The following PXDN variants were observed in gnomAD, a reference collection of about 807,000 sequenced individuals.
PXDN encodes peroxidasin homolog.
A neutral mutation model predicts 140.3 loss-of-function variants in PXDN; 77 were observed. The ratio of observed to expected loss-of-function variants is 0.55; its 90% confidence interval spans 0.46 to 0.66. The LOEUF (loss-of-function observed/expected upper bound fraction) is 0.66. PXDN is among the 30% of genes least tolerant of loss of function. PXDN has a pLI of 0.00. For synonymous variants in PXDN, 911 were observed against 857.4 expected, an observed-to-expected ratio of 1.06 and a Z score of -1.09; for missense variants, 1,838 against 2,039.5, an observed-to-expected ratio of 0.90 and a Z score of 1.90.
At chr2:1,716,440 GAAAAAAAAAAAA>G (rs550784477) in intron 1 of PXDN, among the ~76,000 whole-genome samples, 1,287 of 58,214 alleles carry the variant, frequency 0.022, 15 homozygotes, top group Non-Finnish European at 0.033. Context: ...TCCATCTCAG[GAAAAAAAAAAAA>G]AAAAAAAAAA....
intron 1 of PXDN, among the ~76,000 whole-genome samples, chr2:1,721,691 G>C (rs376019857): frequency 6.6e-6 from 1 of 152,174 alleles, no homozygotes; most frequent in South Asian, 2.1e-4. Flanking sequence ...GCCGGGCTTG[G>C]TGGCGAGCGC....
intron 1 of PXDN, among the ~76,000 whole-genome samples, chr2:1,699,487 T>C (rs896739220): frequency 1.3e-5 from 2 of 152,212 alleles, no homozygotes; most frequent in African/African-American, 4.8e-5. Context: ...GGCCGGCGGA[T>C]CACCTGAGGT....
rs184143805 is a variant in PXDN at position 1,684,415 on chromosome 2, C to T, written c.417-264G>A. Among the ~76,000 whole-genome samples, 8 of 152,282 alleles carry T rather than the reference C, an allele frequency of 5.3e-5. No individual in the cohort carries two copies. In the East Asian group the frequency reaches 1.2e-3, roughly 22 times the overall value. ...GTGCTCACTGAGGTCCTTGACACCGCGTGAGAAGGGCAGTGCTGGCCTGGC... is the reference window on the plus strand; with the variant it reads ...GTGCTCACTGAGGTCCTTGACACCGTGTGAGAAGGGCAGTGCTGGCCTGGC... On this transcript the variant is annotated intron_variant, in intron 4 of 22. Transcript: ENST00000252804.
intron 1 of PXDN, among the ~76,000 whole-genome samples, chr2:1,715,910 C>G (rs1013131400): frequency 9.2e-5 from 14 of 152,064 alleles, no homozygotes; most frequent in Admixed American, 1.3e-4. Context: ...ACCCAGCTGC[C>G]CAATGTGTGC....
At chr2:1,642,081 T>C (rs867679047) in intron 19 of PXDN, among the ~76,000 whole-genome samples, 3 of 152,078 alleles carry the variant, frequency 2.0e-5, no homozygotes, top group South Asian at 2.1e-4. Context: ...ATTTGGAAAA[T>C]TGGGTACCTA....
In PXDN at chr2:1,649,763, T is replaced by C. The variant is rs1682971662; in HGVS notation, c.2105-88A>G. 4.9e-6 allele frequency: 7 copies of C among 1,423,096 alleles called. No individual in the cohort carries two copies. In the South Asian group the frequency reaches 8.3e-5, roughly 17 times the overall value. 88.2% of individuals were successfully genotyped at this position (1,423,096 alleles called of 1,614,324 possible). A position where few individuals can be genotyped will look rare whatever the true frequency, so the allele number is the denominator to read the frequency against. ...CCCCTTGGCACCTCTGCCGCTGACA[T>C]GGGGCTATCTACCCCCAGCTCATGA... On this transcript the variant is annotated intron_variant, in intron 16 of 22. Transcript: ENST00000252804. This position sits in a 1 kb window ranked among gnomAD's most constrained non-coding sequence, Gnocchi z 7.1.
chr2:1,684,850 G>T (rs1684011859), intron 4 of PXDN, among the ~76,000 whole-genome samples: 1 of 152,118 alleles, frequency 6.6e-6, no homozygotes, highest in African/African-American at 2.4e-5. Context: ...TGAAAAGTGG[G>T]TTTTTTCCTC....
intron 18 of PXDN, among the ~76,000 whole-genome samples, chr2:1,643,902 C>T (rs1263706152): frequency 6.6e-6 from 1 of 151,810 alleles, no homozygotes; most frequent in Non-Finnish European, 1.5e-5. Flanking sequence ...GAAACCCCAT[C>T]TCTACTAAAA....
chr2:1,720,691 C>CTGCATCTCTT (rs1558526193), intron 1 of PXDN, among the ~76,000 whole-genome samples: 9 of 49,242 alleles, frequency 1.8e-4, no homozygotes, highest in Non-Finnish European at 2.7e-4. Context: ...CTCTTTCTCT[C>CTGCATCTCTT]TCTCTCTGCA....
At chr2:1,681,607 A>C (rs1683908747) in intron 6 of PXDN, among the ~76,000 whole-genome samples, 2 of 152,170 alleles carry the variant, frequency 1.3e-5, no homozygotes, top group East Asian at 3.9e-4. Flanking sequence ...GTTCTCCCAG[A>C]CATGAGCCCA....
chr2:1,648,830 G>T lies in PXDN; in HGVS notation c.2950C>A (p.Leu984Met). 6.2e-7 allele frequency: 1 copy of T among 1,602,066 alleles called. No individual in the cohort carries two copies. Among genetic ancestry groups the T allele is most frequent in the Non-Finnish European group, 8.5e-7 (1 of 1,176,210 alleles). ...AACCACAGCGTGTGCATGCTGGTCA[G>T]GCCCAGCTGCTCGTTGGCGCGGTGG... ...GDHRANEQLG[L>M]TSMHTLWFRE... Residue 984 changes from leucine to methionine, a missense_variant, in exon 17 of 23, where the codon CTG becomes ATG. Leu to Met is a conservative substitution (Grantham distance 15). Coordinates refer to ENST00000252804, the MANE Select transcript of PXDN (RefSeq NM_012293.3). The surrounding 1 kb of genome is among the most constrained non-coding windows in gnomAD (Gnocchi z 8.9).
chr2:1,642,159 T>A (rs957259229), intron 19 of PXDN, among the ~76,000 whole-genome samples: 1 of 151,950 alleles, frequency 6.6e-6, no homozygotes, highest in African/African-American at 2.4e-5. Flanking sequence ...TGTGTGTGGG[T>A]GGTGGGGGGT....
At chr2:1,661,109 G>A in intron 13 of PXDN, 72 bp from the exon 14 acceptor site, 1 of 1,554,322 alleles carries the variant, frequency 6.4e-7, no homozygotes, top group Non-Finnish European at 8.8e-7. Context: ...CCTAGGGTTG[G>A]GGGAGGGGAG....
chr2:1,739,550 C>T (rs550711459), intron 1 of PXDN, among the ~76,000 whole-genome samples: 1 of 152,150 alleles, frequency 6.6e-6, no homozygotes, highest in South Asian at 2.1e-4. Context: ...AAGCACTTTC[C>T]AGACACGTGG....
intron 3 of PXDN, among the ~76,000 whole-genome samples, chr2:1,688,513 A>G (rs1380230017): frequency 1.3e-5 from 2 of 152,206 alleles, no homozygotes; most frequent in Non-Finnish European, 1.5e-5. Flanking sequence ...AAGAGCCACA[A>G]AACCATGCGC....
rs1166978603 is a variant in PXDN, at chr2:1,633,880, T to C, written c.*324A>G. On this transcript the variant is annotated 3_prime_UTR_variant, in exon 23 of 23. Coordinates refer to ENST00000252804, the MANE Select transcript of PXDN (RefSeq NM_012293.3). ...AAATGGTGTTGGGAGGCAAAATCAA[T>C]TTAGGCGCCTAAATGATTCAACTGT... 3 of 205,876 alleles carry C rather than the reference T, an allele frequency of 1.5e-5. No individual in the cohort carries two copies. Among genetic ancestry groups the C allele is most frequent in the African/African-American group, 6.9e-5 (3 of 43,496 alleles). 12.8% of individuals were successfully genotyped at this position (205,876 alleles called of 1,614,324 possible). A position where few individuals can be genotyped will look rare whatever the true frequency, so the allele number is the denominator to read the frequency against.
intron 1 of PXDN, among the ~76,000 whole-genome samples, chr2:1,721,990 G>A (rs1004742128): frequency 2.0e-5 from 3 of 152,158 alleles, no homozygotes; most frequent in African/African-American, 4.8e-5. Flanking sequence ...TTAGGAAGGC[G>A]AGAAAGGCAA....
chr2:1,716,379 G>A (rs915554651), intron 1 of PXDN, among the ~76,000 whole-genome samples: 3 of 148,880 alleles, frequency 2.0e-5, no homozygotes, highest in African/African-American at 5.0e-5. Context: ...TGGAGGTTGC[G>A]GTGAGCCGAG....
intron 16 of PXDN, 104 bp downstream of exon 16, chr2:1,653,524 G>A: frequency 3.4e-6 from 5 of 1,449,594 alleles, no homozygotes; most frequent in Non-Finnish European, 3.8e-6. Context: ...AGCACAGTGG[G>A]AAAGAAAATG....
Sources: allele counts gnomAD v4.1 joint callset (sites outside exome capture counted in the v4.1 genomes callset), GRCh38; gene constraint gnomAD v4.1.1; non-coding constraint Gnocchi (gnomAD v3.1); transcripts MANE v1.5; gene names NCBI Gene and HGNC (gene_info 2026-07-23, HGNC 2026-07-21).